The following NOP14 variants were observed in gnomAD, a reference collection of about 807,000 sequenced individuals.
NOP14 encodes the protein NOP14 nucleolar protein.
NOP14 carries 57 observed loss-of-function variants against 101.6 expected under a neutral mutation model. The observed-to-expected ratio is 0.56, with a 90% CI of 0.45 to 0.70. The LOEUF is 0.70. Ranked by LOEUF, NOP14 falls within the 30% of genes least tolerant of loss-of-function variation. The probability of loss-of-function intolerance (pLI) is 0.00; values close to 1 mark genes in which losing one functional copy is unlikely to be tolerated. For synonymous variants in NOP14, 428 were observed against 424.0 expected (o/e 1.01, Z -0.12); for missense variants, 1,134 against 1,075.5 (o/e 1.05, Z -0.76).
At chr4:2,942,451 C>G (rs1032861187) in intron 13 of NOP14, 100 bp from the exon 14 acceptor site, 10 of 1,196,734 alleles carry the variant, frequency 8.4e-6, no homozygotes, top group Non-Finnish European at 1.2e-5. Flanking sequence ...CTCTAACAGA[C>G]GCACACCGAT....
chr4:2,944,618 A>C (rs1051222037), intron 12 of NOP14, among the ~76,000 whole-genome samples: 1 of 152,034 alleles, frequency 6.6e-6, no homozygotes, highest in African/African-American at 2.4e-5. Context: ...TGTTGGCCAC[A>C]CTGGTCTTGA....
intron 7 of NOP14, 191 bp downstream of exon 7, chr4:2,950,923 C>CG: frequency 3.5e-5 from 19 of 545,824 alleles, no homozygotes; most frequent in Admixed American, 9.6e-5. Context: ...AGTGCACATA[C>CG]TATTGTTAAA....
At chr4:2,958,397 G>A (rs1053685782) in intron 1 of NOP14, among the ~76,000 whole-genome samples, 2 of 152,216 alleles carry the variant, frequency 1.3e-5, no homozygotes, top group African/African-American at 4.8e-5. Context: ...AGATGGGTGA[G>A]GAACGAGTGG....
At chr4:2,960,733 T>TATATTAATATTATAATCAC (rs1560310560) in intron 1 of NOP14, among the ~76,000 whole-genome samples, 16 of 110,880 alleles carry the variant, frequency 1.4e-4, no homozygotes, top group African/African-American at 2.8e-4. Context: ...ATCACATTAA[T>TATATTAATATTATAATCAC]ATTAATATAT....
Position 2,938,728 on chromosome 4 carries a change from G to T in NOP14, c.*103C>A. 1.1e-6 allele frequency: 1 copy of T among 917,712 alleles called. No homozygotes were observed. Among genetic ancestry groups the T allele is most frequent in the East Asian group, 2.6e-5 (1 of 38,446 alleles). 56.8% of individuals were successfully genotyped at this position (917,712 alleles called of 1,614,324 possible). ...TTCCTGTGTTGCCCAGGCTGGTCTC[G>T]AACTCCTGGGCTGAAGCAATCTTCC... is the stretch of plus-strand genomic sequence containing the variant. On this transcript the variant is annotated 3_prime_UTR_variant, in exon 18 of 18. Coordinates refer to ENST00000416614, the MANE Select transcript of NOP14 (RefSeq NM_001291978.2).
intron 13 of NOP14, among the ~76,000 whole-genome samples, chr4:2,942,678 CCT>C (rs1383894911): frequency 6.6e-6 from 1 of 152,210 alleles, no homozygotes; most frequent in Non-Finnish European, 1.5e-5. Context: ...AGTCCCTGCC[CCT>C]GTCGGGGAGA....
At chr4:2,939,849 G>A (rs990100455) in intron 15 of NOP14, among the ~76,000 whole-genome samples, 22 of 152,234 alleles carry the variant, frequency 1.4e-4, no homozygotes, top group Admixed American at 3.3e-4. Context: ...CAGCCGGAAC[G>A]AAGTAAAGCC....
chr4:2,942,690 A>G (rs1426724772), intron 13 of NOP14, among the ~76,000 whole-genome samples: 1 of 152,176 alleles, frequency 6.6e-6, no homozygotes, highest in Non-Finnish European at 1.5e-5. Flanking sequence ...TGTCGGGGAG[A>G]CAGGCAGTGC....
Position 2,946,444 on chromosome 4 carries a change from T to G in NOP14, c.1603A>C (p.Lys535Gln). Residue 535 changes from lysine to glutamine, a missense_variant, in exon 11 of 18, where the codon AAA becomes CAA. Physicochemically the swap from Lys to Gln is moderately conservative, Grantham distance 53 (BLOSUM62 1). Transcript: ENST00000416614. ...MHEMEEMIET[K>Q]GRAALPGLDV... The stretch of plus-strand genomic sequence containing the variant: ...AACCCTGGCAATGCCGCCCGGCCTT[T>G]GGTCTCAATCATTTCTTCCATCTCA... 2 of 1,614,268 alleles carry G rather than the reference T, an allele frequency of 1.2e-6. No individual in the cohort carries two copies. The highest frequency in any genetic ancestry group is 1.7e-6 in the Non-Finnish European group (2 of 1,180,038).
intron 2 of NOP14, among the ~76,000 whole-genome samples, chr4:2,957,290 G>A (rs1715414218): frequency 2.0e-5 from 3 of 152,174 alleles, no homozygotes; most frequent in East Asian, 1.9e-4. Flanking sequence ...ATGAGCCACC[G>A]CGCCCGGCCT....
rs181818326 is a variant in NOP14, at chr4:2,943,383, G to A, written c.1891+690C>T. ...AACCTCTGGTCAGGCTGGGAGAGGC[G>A]TCCACAGACATGGAAGAGCTCAGGA... is the stretch of plus-strand genomic sequence containing the variant. On this transcript the variant is annotated intron_variant, in intron 13 of 17. Transcript: ENST00000416614. 1.1e-3 allele frequency among the ~76,000 whole-genome samples: 167 copies of A among 152,356 alleles called. 1 individual carries two copies. Among genetic ancestry groups the A allele is most frequent in the Admixed American group, 3.7e-3 (56 of 15,308 alleles).
intron 7 of NOP14, 27 bp downstream of exon 7, chr4:2,951,085 GAA>G: frequency 3.8e-6 from 6 of 1,560,278 alleles, no homozygotes; most frequent in South Asian, 1.2e-5. Context: ...AAAAGAGAGA[GAA>G]AGAGAAAATG....
rs746990272 is a variant in NOP14, at chr4:2,946,477, C to T, written c.1570G>A (p.Ala524Thr). ...SDAIKFVLRD[A>T]MHEMEEMIET... ...ATCATTTCTTCCATCTCATGCATCGCATCTCGGAGAACAAATTTGATAGCG... is the reference window on the plus strand; with the variant it reads ...ATCATTTCTTCCATCTCATGCATCGTATCTCGGAGAACAAATTTGATAGCG... The change falls in exon 11 of 18, where the codon GCG (alanine) becomes ACG (threonine). Residue 524 changes from alanine to threonine, a missense_variant. Transcript: ENST00000416614. The T allele has an allele frequency of 1.2e-5, 19 of 1,614,254 alleles. No homozygotes were observed. Among genetic ancestry groups the T allele is most frequent in the Non-Finnish European group, 1.6e-5 (19 of 1,180,030 alleles).
Position 2,938,479 on chromosome 4 carries a change from G to C in NOP14, c.*352C>G. 5.9e-6 allele frequency: 2 copies of C among 337,770 alleles called. No homozygotes were observed. Among genetic ancestry groups the C allele is most frequent in the Non-Finnish European group, 5.7e-6 (1 of 174,386 alleles). The allele number at this position is 337,770 out of a possible 1,614,324, so 20.9% of individuals were successfully genotyped here. A position where few individuals can be genotyped will look rare whatever the true frequency, so the allele number is the denominator to read the frequency against. On this transcript the variant is annotated 3_prime_UTR_variant, in exon 18 of 18. Coordinates refer to ENST00000416614, the MANE Select transcript of NOP14 (RefSeq NM_001291978.2). ...AGGTTGTGCCATTGCACTCCAGCCT[G>C]GGCAACAAGAGCAAAACTCCGTCTC...
chr4:2,951,042 A>C (rs1714993460), intron 7 of NOP14, 72 bp downstream of exon 7: 1 of 1,422,104 alleles, frequency 7.0e-7, no homozygotes, highest in African/African-American at 1.4e-5. Context: ...TAAATCCCTA[A>C]AATGAATACC....
Position 2,963,160 on chromosome 4 carries a change from G to C in NOP14, c.160C>G (p.Leu54Val). Residue 54 changes from leucine to valine, a missense_variant, in exon 1 of 18, where the codon CTG (leucine) becomes GTG (valine). Transcript: ENST00000416614. ...LGRKTRHDVG[L>V]PGVSRARALR... The stretch of plus-strand genomic sequence containing the variant: ...GCCCGTGCGCGAGACACCCCGGGCA[G>C]TCCCACGTCGTGGCGCGTCTTCCGG... The C allele has an allele frequency of 1.3e-6, 2 of 1,577,378 alleles. No homozygotes were observed. The highest frequency in any genetic ancestry group is 1.7e-6 in the Non-Finnish European group (2 of 1,164,958).
chr4:2,962,337 C>G (rs544197276), intron 1 of NOP14, among the ~76,000 whole-genome samples: 2 of 152,332 alleles, frequency 1.3e-5, no homozygotes, highest in South Asian at 4.1e-4. Flanking sequence ...GTAAGTCTAT[C>G]TTGCCTATTC....
intron 13 of NOP14, 91 bp downstream of exon 13, chr4:2,943,982 C>T (rs1172318840): frequency 9.2e-7 from 1 of 1,090,018 alleles, no homozygotes; most frequent in African/African-American, 1.6e-5. Flanking sequence ...TCTACTTTCG[C>T]ATATTCTAAA....
chr4:2,963,111 C>A lies in NOP14; in HGVS notation c.195+14G>T. The A allele has an allele frequency of 1.3e-6, 2 of 1,526,484 alleles. No homozygotes were observed. The highest frequency in any genetic ancestry group is 1.2e-5 in the South Asian group (1 of 81,306). 94.6% of individuals were successfully genotyped at this position (1,526,484 alleles called of 1,614,324 possible). On this transcript the variant is annotated intron_variant, in intron 1 of 17. Transcript: ENST00000416614. ...AGATCCTGCCTTCCGGCTCCCCGTG[C>A]GCCCCCCGCTTACCTTCCTGAGGGC...
Sources: allele counts gnomAD v4.1 joint callset (sites outside exome capture counted in the v4.1 genomes callset), GRCh38; gene constraint gnomAD v4.1.1; transcripts MANE v1.5; gene names NCBI Gene and HGNC (gene_info 2026-07-23, HGNC 2026-07-21).